Variants in TOP1 observed in about 807,000 individuals in gnomAD.
TOP1 encodes DNA topoisomerase 1.
In TOP1, 10 loss-of-function variants were observed where a neutral mutation model predicts 111.1. The ratio of observed to expected loss-of-function variants is 0.09; its 90% CI spans 0.06 to 0.15. The LOEUF (loss-of-function observed/expected upper bound fraction) is 0.15. Ranked by LOEUF, TOP1 falls within the 10% of genes least tolerant of loss-of-function variation. The pLI, the probability that TOP1 is intolerant of heterozygous loss-of-function variation, is 1.00. For missense variants in TOP1, 474 were observed against 926.7 expected (o/e 0.51, Z 6.34); for synonymous variants, 271 against 302.9 (o/e 0.89, Z 1.10).
At position 41,118,388 on chromosome 20, in the gene TOP1, G is replaced by A. The variant is rs2145970562; in HGVS notation, c.1950+92G>A. On this transcript the variant is annotated intron_variant, in intron 18 of 20. Transcript: ENST00000361337. This position sits in a 1 kb window ranked among gnomAD's most constrained non-coding sequence, Gnocchi z 4.6. ...AGGGCTGAGATATCAGCAGGCCAGT[G>A]CTGGGTCTGTTGTAGAAGGTCTATG... 6.7e-7 allele frequency: 1 copy of A among 1,487,626 alleles called. No homozygotes were observed. Among genetic ancestry groups the A allele is most frequent in the Non-Finnish European group, 9.2e-7 (1 of 1,084,992 alleles). The allele number at this position is 1,487,626 out of a possible 1,614,324, so 92.2% of individuals were successfully genotyped here. A position where few individuals can be genotyped will look rare whatever the true frequency, so the allele number is the denominator to read the frequency against.
chr20:41,051,785 A>G (rs1224290382), intron 2 of TOP1, among the ~76,000 whole-genome samples: 1 of 151,756 alleles, frequency 6.6e-6, no homozygotes, highest in African/African-American at 2.4e-5. Context: ...GGCATTGTGA[A>G]TGGGTATGGT....
Position 41,092,691 on chromosome 20 carries a change from A to T in TOP1, c.730+104A>T. Reference sequence around the variant, plus strand: ...TCCTATGTAATAGATAATCCTTTTTATTTCATTTTGTTTTATTGCCATGCA... The same window carrying T: ...TCCTATGTAATAGATAATCCTTTTTTTTTCATTTTGTTTTATTGCCATGCA... On this transcript the variant is annotated intron_variant, in intron 9 of 20. Coordinates refer to ENST00000361337, the MANE Select transcript of TOP1 (RefSeq NM_003286.4). The surrounding 1 kb of genome is among the most constrained non-coding windows in gnomAD (Gnocchi z 4.3). 1.7e-6 allele frequency: 1 copy of T among 585,714 alleles called. No homozygotes were observed. Among genetic ancestry groups the T allele is most frequent in the Non-Finnish European group, 3.0e-6 (1 of 336,724 alleles). The allele number at this position is 585,714 out of a possible 1,614,324, so 36.3% of individuals were successfully genotyped here.
At position 41,098,155 on chromosome 20, in the gene TOP1, A is replaced by G; in HGVS notation, c.853-60A>G. 6.3e-7 allele frequency: 1 copy of G among 1,577,444 alleles called. No individual in the cohort carries two copies. The highest frequency in any genetic ancestry group is 8.7e-7 in the Non-Finnish European group (1 of 1,147,852). The stretch of plus-strand genomic sequence containing the variant: ...CTTGGGTGTATTTGCAAAGAAACCC[A>G]AGGACTTATTAGTGTATTTTCGTTG... On this transcript the variant is annotated intron_variant, in intron 10 of 20. Coordinates refer to ENST00000361337, the MANE Select transcript of TOP1 (RefSeq NM_003286.4). This position sits in a 1 kb window ranked among gnomAD's most constrained non-coding sequence, Gnocchi z 5.7.
rs1245108511 is a variant in TOP1, at chr20:41,034,193, T to C, written c.58+4738T>C. ...AAAAGTTTAGAGACTTCCAAACTAGTCCTTAAGAGGCGAATGGGTATTGTG... is the reference window on the plus strand; with the variant it reads ...AAAAGTTTAGAGACTTCCAAACTAGCCCTTAAGAGGCGAATGGGTATTGTG... On this transcript the variant is annotated intron_variant, in intron 2 of 20. Coordinates refer to ENST00000361337, the MANE Select transcript of TOP1 (RefSeq NM_003286.4). The surrounding 1 kb of genome is among the most constrained non-coding windows in gnomAD (Gnocchi z 4.0). 6.6e-6 allele frequency among the ~76,000 whole-genome samples: 1 copy of C among 152,236 alleles called. No homozygotes were observed. Among genetic ancestry groups the C allele is most frequent in the African/African-American group, 2.4e-5 (1 of 41,460 alleles).
chr20:41,043,781 C>A (rs1471334090), intron 2 of TOP1, among the ~76,000 whole-genome samples: 1 of 152,200 alleles, frequency 6.6e-6, no homozygotes, highest in African/African-American at 2.4e-5. Flanking sequence ...TCTTCCCAGG[C>A]ATTAAGCGTT....
In TOP1 at chr20:41,061,455, G is replaced by A; in HGVS notation, c.120G>A (p.Lys40=). The A allele has an allele frequency of 2.5e-6, 4 of 1,612,198 alleles. No homozygotes were observed. The highest frequency in any genetic ancestry group is 2.5e-6 in the Non-Finnish European group (3 of 1,178,922). Residue 40 remains lysine (K), a synonymous_variant, in exon 3 of 21, where the codon AAG becomes AAA. Transcript: ENST00000361337. The surrounding 1 kb of genome is among the most constrained non-coding windows in gnomAD (Gnocchi z 4.6). Reference sequence around the variant, plus strand: ...AACACCGGCACAAAGAACACAAGAAGGAGAAGGACCGGGAAAAGTCCAAGC... The same window carrying A: ...AACACCGGCACAAAGAACACAAGAAAGAGAAGGACCGGGAAAAGTCCAAGC... ...DREHRHKEHK[K]EKDREKSKHS... is the part of the protein sequence containing the mutation.
chr20:41,045,444 A>C (rs1047767118), intron 2 of TOP1, among the ~76,000 whole-genome samples: 1 of 152,208 alleles, frequency 6.6e-6, no homozygotes, highest in Non-Finnish European at 1.5e-5. Context: ...AGCAGTTGGA[A>C]GTTCAGGCAG....
At chr20:41,077,121 T>C (rs1361848651) in intron 4 of TOP1, among the ~76,000 whole-genome samples, 5 of 152,210 alleles carry the variant, frequency 3.3e-5, no homozygotes, top group Non-Finnish European at 7.3e-5. Flanking sequence ...GGTCTCACTG[T>C]GTTGGCGGGG....
At chr20:41,072,320 A>G (rs1432752689) in intron 3 of TOP1, 5 of 985,454 alleles carry the variant, frequency 5.1e-6, no homozygotes, top group Middle Eastern at 5.2e-4. Flanking sequence ...CAGCCAGCAA[A>G]TGAACTTTCT....
chr20:41,088,055 CAG>C (rs1282218028), intron 8 of TOP1, among the ~76,000 whole-genome samples: 1 of 152,142 alleles, frequency 6.6e-6, no homozygotes, highest in African/African-American at 2.4e-5. Context: ...CTTACTGAAA[CAG>C]ATATTCTGTC....
At position 41,079,359 on chromosome 20, in the gene TOP1, C is replaced by T. The variant is rs1004437642; in HGVS notation, c.336-726C>T. ...GCTCTATGGTGTTTTTTACTTGTTC[C>T]TTCTCTGTTTTGGTTCAAGATGTTT... On this transcript the variant is annotated intron_variant, in intron 5 of 20. Transcript: ENST00000361337. This position sits in a 1 kb window ranked among gnomAD's most constrained non-coding sequence, Gnocchi z 4.0. 1.3e-5 allele frequency among the ~76,000 whole-genome samples: 2 copies of T among 152,116 alleles called. No individual in the cohort carries two copies. The highest frequency in any genetic ancestry group is 2.9e-5 in the Non-Finnish European group (2 of 68,012).
At chr20:41,044,952 C>T (rs2033315302) in intron 2 of TOP1, among the ~76,000 whole-genome samples, 1 of 152,126 alleles carries the variant, frequency 6.6e-6, no homozygotes, top group Admixed American at 6.5e-5. Flanking sequence ...CACGCTCAGC[C>T]AGTTTTTTTG....
Position 41,110,974 on chromosome 20 carries a change from A to G in TOP1, c.1309-1808A>G. Among the ~76,000 whole-genome samples the G allele has an allele frequency of 6.6e-6, 1 of 152,190 alleles. No individual in the cohort carries two copies. Among genetic ancestry groups the G allele is most frequent in the Non-Finnish European group, 1.5e-5 (1 of 68,034 alleles). Reference sequence around the variant, plus strand: ...GAGAATCCTAGATCCTTGGTGCAGAAGCCCAGCCAGCCTGTGAAGAAAAGT... The same window carrying G: ...GAGAATCCTAGATCCTTGGTGCAGAGGCCCAGCCAGCCTGTGAAGAAAAGT... On this transcript the variant is annotated intron_variant, in intron 13 of 20. Transcript: ENST00000361337. The surrounding 1 kb of genome is among the most constrained non-coding windows in gnomAD (Gnocchi z 4.2).
At chr20:41,076,705 C>T (rs1414997728) in intron 4 of TOP1, among the ~76,000 whole-genome samples, 2 of 152,190 alleles carry the variant, frequency 1.3e-5, no homozygotes, top group East Asian at 3.8e-4. Context: ...TGACTAGGCT[C>T]ACCCAGCTGA....
In TOP1 at chr20:41,046,060, T is replaced by G. The variant is rs1326270457; in HGVS notation, c.59-15334T>G. Among the ~76,000 whole-genome samples the G allele has an allele frequency of 6.6e-6, 1 of 152,226 alleles. No homozygotes were observed. Among genetic ancestry groups the G allele is most frequent in the Non-Finnish European group, 1.5e-5 (1 of 68,032 alleles). ...AAATTGCTTAAGGACTGGGAATAGA[T>G]CCAGATTCCTCCAGGTTTAGCTTCA... On this transcript the variant is annotated intron_variant, in intron 2 of 20. Coordinates refer to ENST00000361337, the MANE Select transcript of TOP1 (RefSeq NM_003286.4). This position sits in a 1 kb window ranked among gnomAD's most constrained non-coding sequence, Gnocchi z 4.3.
Position 41,097,557 on chromosome 20 carries a change from T to G in TOP1, c.852+216T>G, listed in dbSNP as rs1568696471. 6.6e-6 allele frequency among the ~76,000 whole-genome samples: 1 copy of G among 152,190 alleles called. No individual in the cohort carries two copies. Among genetic ancestry groups the G allele is most frequent in the Non-Finnish European group, 1.5e-5 (1 of 68,026 alleles). On this transcript the variant is annotated intron_variant, in intron 10 of 20. Transcript: ENST00000361337. The surrounding 1 kb of genome is among the most constrained non-coding windows in gnomAD (Gnocchi z 4.2). ...TATATCTTTGCTATTGGCTCTCATG[T>G]GATGGCAGGTAGGTGGGGGTTATCA...
chr20:41,070,019 A>T (rs1343233306), intron 3 of TOP1, among the ~76,000 whole-genome samples: 7 of 152,220 alleles, frequency 4.6e-5, no homozygotes, highest in African/African-American at 1.4e-4. Context: ...TTGAGGCAAA[A>T]CTATTAAATG....
At chr20:41,081,830 C>T (rs1254416790) in intron 7 of TOP1, among the ~76,000 whole-genome samples, 3 of 152,180 alleles carry the variant, frequency 2.0e-5, no homozygotes, top group Non-Finnish European at 2.9e-5. Context: ...AACTTCCGAG[C>T]TTTACGTAGC....
rs2034056839 is a variant in TOP1, at chr20:41,101,086, G to A, written c.1164-123G>A. 2.1e-6 allele frequency: 2 copies of A among 975,116 alleles called. No individual in the cohort carries two copies. The highest frequency in any genetic ancestry group is 2.0e-5 in the Admixed American group (1 of 48,940). 60.4% of individuals were successfully genotyped at this position (975,116 alleles called of 1,614,324 possible). ...AAACCATGCATAAGGTGGGACTACT[G>A]TATTGACTGTTAAGAAGGAAACTTG... On this transcript the variant is annotated intron_variant, in intron 12 of 20. Transcript: ENST00000361337. This position sits in a 1 kb window ranked among gnomAD's most constrained non-coding sequence, Gnocchi z 4.1.
Sources: allele counts gnomAD v4.1 joint callset (sites outside exome capture counted in the v4.1 genomes callset), GRCh38; gene constraint gnomAD v4.1.1; non-coding constraint Gnocchi (gnomAD v3.1); transcripts MANE v1.5; gene names NCBI Gene and HGNC (gene_info 2026-07-23, HGNC 2026-07-21).